The following NMNAT2 variants were observed in gnomAD, a reference collection of about 807,000 sequenced individuals.
The protein encoded by NMNAT2 is nicotinamide nucleotide adenylyltransferase 2, also known as nicotinamide/nicotinic acid mononucleotide adenylyltransferase 2.
A neutral mutation model predicts 41.6 loss-of-function variants in NMNAT2; 11 were observed. The ratio of observed to expected loss-of-function variants is 0.26; its 90% CI spans 0.17 to 0.44. NMNAT2 has a LOEUF of 0.44. Among genes scored for constraint, NMNAT2 ranks in the 20% least tolerant of loss-of-function variants. NMNAT2 has a pLI of 1.00. For missense variants in NMNAT2, 288 were observed against 407.7 expected (o/e 0.71, Z 2.53); for synonymous variants, 148 against 151.2 (o/e 0.98, Z 0.16).
At chr1:183,356,421 C>G (rs2102355826) in intron 1 of NMNAT2, among the ~76,000 whole-genome samples, 1 of 152,312 alleles carries the variant, frequency 6.6e-6, no homozygotes, top group African/African-American at 2.4e-5. Flanking sequence ...ATCAGCAATA[C>G]TAGGGAATGA....
intron 1 of NMNAT2, among the ~76,000 whole-genome samples, chr1:183,296,292 G>A (rs1254625163): frequency 6.6e-6 from 1 of 150,922 alleles, no homozygotes; most frequent in African/African-American, 2.4e-5. Flanking sequence ...TCATGTGCAG[G>A]TTTTTGTGAA....
chr1:183,409,555 G>A (rs1340804834), intron 1 of NMNAT2, among the ~76,000 whole-genome samples: 1 of 152,048 alleles, frequency 6.6e-6, no homozygotes, highest in Non-Finnish European at 1.5e-5. Context: ...GGCCTCAAGT[G>A]ATCCTCCCAC....
At chr1:183,415,552 G>A (rs1649230454) in intron 1 of NMNAT2, among the ~76,000 whole-genome samples, 1 of 152,164 alleles carries the variant, frequency 6.6e-6, no homozygotes, top group African/African-American at 2.4e-5. Flanking sequence ...CAGTATGAAG[G>A]CCTCTGCAAG....
At chr1:183,257,525 T>C (rs1336865511) in intron 10 of NMNAT2, among the ~76,000 whole-genome samples, 2 of 152,222 alleles carry the variant, frequency 1.3e-5, no homozygotes, top group Non-Finnish European at 2.9e-5. Context: ...CTTTTCTTTG[T>C]TGGGAAGTTT....
chr1:183,313,834 C>T (rs1662182407), intron 1 of NMNAT2, among the ~76,000 whole-genome samples: 1 of 152,178 alleles, frequency 6.6e-6, no homozygotes, highest in African/African-American at 2.4e-5. Flanking sequence ...ACATATTAAT[C>T]AATTACTAAT....
chr1:183,384,696 A>G (rs2101917734), intron 1 of NMNAT2, among the ~76,000 whole-genome samples: 1 of 152,344 alleles, frequency 6.6e-6, no homozygotes, highest in East Asian at 1.9e-4. Context: ...ATAATTTCCC[A>G]GTTCACATCT....
At chr1:183,348,991 C>T (rs577452960) in intron 1 of NMNAT2, among the ~76,000 whole-genome samples, 5 of 152,314 alleles carry the variant, frequency 3.3e-5, no homozygotes, top group African/African-American at 4.8e-5. Flanking sequence ...AGCATGGACT[C>T]GGTGCACCAG....
At chr1:183,328,606 G>A (rs1395514990) in intron 1 of NMNAT2, among the ~76,000 whole-genome samples, 1 of 152,174 alleles carries the variant, frequency 6.6e-6, no homozygotes, top group Admixed American at 6.5e-5. Flanking sequence ...AATCCTCCTG[G>A]CTCTAGTTAG....
chr1:183,273,869 T>C (rs550653973), intron 8 of NMNAT2, among the ~76,000 whole-genome samples: 6,222 of 104,098 alleles, frequency 0.06, 559 homozygotes, highest in African/African-American at 0.15. Context: ...CTTCCTTCCT[T>C]CCTTCCTTCC....
chr1:183,281,031 A>T (rs540420166), intron 7 of NMNAT2, among the ~76,000 whole-genome samples: 96 of 151,576 alleles, frequency 6.3e-4, no homozygotes, highest in Non-Finnish European at 9.6e-4. Flanking sequence ...GTGACCCGCC[A>T]GCCTCGGCCT....
At chr1:183,324,523 G>A (rs1315761536) in intron 1 of NMNAT2, among the ~76,000 whole-genome samples, 1 of 152,088 alleles carries the variant, frequency 6.6e-6, no homozygotes, top group East Asian at 1.9e-4. Flanking sequence ...GCATGGTTTG[G>A]CCTCTACCAT....
chr1:183,348,728 C>T (rs1367085379), intron 1 of NMNAT2, among the ~76,000 whole-genome samples: 1 of 152,224 alleles, frequency 6.6e-6, no homozygotes, highest in African/African-American at 2.4e-5. Flanking sequence ...TTCACTCCAT[C>T]CTGCCACACA....
At chr1:183,276,558 T>C (rs530320616) in intron 8 of NMNAT2, among the ~76,000 whole-genome samples, 2 of 152,320 alleles carry the variant, frequency 1.3e-5, no homozygotes, top group East Asian at 1.9e-4. Flanking sequence ...AGCCTGGGTC[T>C]GCCCTTGAGA....
At chr1:183,294,781 C>T in intron 1 of NMNAT2, among the ~76,000 whole-genome samples, 1 of 152,104 alleles carries the variant, frequency 6.6e-6, no homozygotes, top group East Asian at 1.9e-4. Flanking sequence ...CAGAGGGAGA[C>T]TCCATCTAAA....
At chr1:183,321,241 C>T (rs1662350788) in intron 1 of NMNAT2, among the ~76,000 whole-genome samples, 1 of 152,178 alleles carries the variant, frequency 6.6e-6, no homozygotes, top group South Asian at 2.1e-4. Flanking sequence ...ATAAATTCCT[C>T]CCTTCTATTT....
intron 1 of NMNAT2, among the ~76,000 whole-genome samples, chr1:183,358,287 T>G (rs1663238728): frequency 6.6e-6 from 1 of 151,280 alleles, no homozygotes; most frequent in Non-Finnish European, 1.5e-5. Context: ...GGGTGGGAGG[T>G]GAGAGAGGAT....
At chr1:183,284,864 G>T in intron 5 of NMNAT2, 74 bp from the exon 6 acceptor site, 1 of 1,224,966 alleles carries the variant, frequency 8.2e-7, no homozygotes, top group Non-Finnish European at 1.2e-6. Context: ...TGTCGGCCCG[G>T]CATTGGGGCC....
chr1:183,392,730 T>C (rs1049820098), intron 1 of NMNAT2, among the ~76,000 whole-genome samples: 2 of 152,198 alleles, frequency 1.3e-5, no homozygotes, highest in Non-Finnish European at 2.9e-5. Context: ...CAACTGCTAT[T>C]CCCTTTGCTG....
intron 1 of NMNAT2, among the ~76,000 whole-genome samples, chr1:183,369,781 T>G (rs939270534): frequency 3.3e-5 from 5 of 152,044 alleles, no homozygotes; most frequent in African/African-American, 1.2e-4. Flanking sequence ...AACTCCTCAT[T>G]AAACACTAAC....
Sources: gnomAD v4.1 joint callset for allele counts (sites outside exome capture counted in the v4.1 genomes callset) on GRCh38, gnomAD v4.1.1 for gene constraint, MANE v1.5 for transcripts, NCBI Gene and HGNC (gene_info 2026-07-23, HGNC 2026-07-21) for gene names.